The following PTPRM variants were observed in gnomAD, a reference collection of about 807,000 sequenced individuals.
The protein encoded by PTPRM is protein tyrosine phosphatase receptor type M, also known as receptor-type tyrosine-protein phosphatase mu.
A neutral mutation model predicts 186.7 loss-of-function variants in PTPRM; 47 were observed. The ratio of observed to expected loss-of-function variants is 0.25; its 90% CI spans 0.20 to 0.32. The LOEUF (loss-of-function observed/expected upper bound fraction) is 0.32. Among genes scored for constraint, PTPRM ranks in the 10% least tolerant of loss-of-function variants. The pLI, the probability that PTPRM is intolerant of heterozygous loss-of-function variation, is 1.00. For synonymous variants in PTPRM, 668 were observed against 674.9 expected (o/e 0.99, Z 0.16); for missense variants, 1,494 against 1,865.0 (o/e 0.80, Z 3.66).
At chr18:8,363,979 G>A (rs540625072) in intron 23 of PTPRM, among the ~76,000 whole-genome samples, 20 of 152,272 alleles carry the variant, frequency 1.3e-4, no homozygotes, top group Admixed American at 2.0e-4. Flanking sequence ...GAAAACAGAC[G>A]CTTTGTGAGG....
chr18:7,709,271 T>G (rs1280323721), intron 1 of PTPRM, among the ~76,000 whole-genome samples: 1 of 152,090 alleles, frequency 6.6e-6, no homozygotes, highest in Non-Finnish European at 1.5e-5. Context: ...CTCAAAACTA[T>G]ACAAATAAAT....
intron 1 of PTPRM, among the ~76,000 whole-genome samples, chr18:7,607,652 A>G (rs1432986959): frequency 6.6e-6 from 1 of 152,248 alleles, no homozygotes; most frequent in African/African-American, 2.4e-5. Context: ...TTTCTCCTGC[A>G]TGTGCCAGCT....
intron 1 of PTPRM, among the ~76,000 whole-genome samples, chr18:7,743,209 T>C (rs1373926420): frequency 1.3e-5 from 2 of 152,212 alleles, no homozygotes; most frequent in Admixed American, 6.5e-5. Flanking sequence ...TAGCTTTTCT[T>C]TGCCTAATTT....
chr18:8,169,316 A>G (rs1227832727), intron 14 of PTPRM, among the ~76,000 whole-genome samples: 2 of 151,546 alleles, frequency 1.3e-5, no homozygotes, highest in African/African-American at 2.4e-5. Flanking sequence ...AAAAAGTTAC[A>G]TCTTCAAAAA....
chr18:8,275,565 C>A (rs1169200055), intron 19 of PTPRM, among the ~76,000 whole-genome samples: 8 of 152,148 alleles, frequency 5.3e-5, no homozygotes, highest in Non-Finnish European at 1.0e-4. Flanking sequence ...CTTAAAATCT[C>A]AAGCCTTTTC....
intron 23 of PTPRM, among the ~76,000 whole-genome samples, chr18:8,347,199 C>T (rs1255841925): frequency 6.6e-6 from 1 of 152,132 alleles, no homozygotes; most frequent in East Asian, 1.9e-4. Context: ...CACTGGAGCT[C>T]GCTTACAGGA....
intron 4 of PTPRM, among the ~76,000 whole-genome samples, chr18:7,924,999 A>C (rs535151487): frequency 2.2e-4 from 34 of 152,310 alleles, no homozygotes; most frequent in Middle Eastern, 6.8e-3. Context: ...CCATCTTGGA[A>C]ATGGAGAAAA....
At chr18:8,299,586 C>A (rs1271614666) in intron 20 of PTPRM, among the ~76,000 whole-genome samples, 1 of 135,896 alleles carries the variant, frequency 7.4e-6, no homozygotes, top group Non-Finnish European at 1.6e-5. Context: ...CTCCAGAGGT[C>A]TCAAAAAAAC....
At chr18:7,630,857 CT>C (rs1370482378) in intron 1 of PTPRM, among the ~76,000 whole-genome samples, 1 of 152,036 alleles carries the variant, frequency 6.6e-6, no homozygotes, top group Non-Finnish European at 1.5e-5. Context: ...CACATTTTGC[CT>C]TGTTATCTAT....
chr18:8,038,194 CAGATTTA>C (rs2086458612), intron 7 of PTPRM, among the ~76,000 whole-genome samples: 1 of 152,020 alleles, frequency 6.6e-6, no homozygotes, highest in African/African-American at 2.4e-5. Context: ...CTGGTATCTT[CAGATTTA>C]CCCCTGAAAT....
At chr18:8,064,592 A>G (rs527665644) in intron 7 of PTPRM, among the ~76,000 whole-genome samples, 8 of 152,360 alleles carry the variant, frequency 5.3e-5, no homozygotes, top group Middle Eastern at 3.4e-3. Context: ...ATTCAAATTT[A>G]TATAATTTTT....
intron 5 of PTPRM, among the ~76,000 whole-genome samples, chr18:7,939,296 G>C (rs527953272): frequency 6.6e-6 from 1 of 152,238 alleles, no homozygotes; most frequent in African/African-American, 2.4e-5. Context: ...TGATGCCTGC[G>C]TACTCAGAGC....
intron 9 of PTPRM, among the ~76,000 whole-genome samples, chr18:8,079,981 CA>C (rs1370533761): frequency 6.6e-6 from 1 of 151,046 alleles, no homozygotes; most frequent in African/African-American, 2.4e-5. Context: ...AAAGACACTT[CA>C]AAAAAAAATT....
chr18:8,141,303 T>C (rs1338002552), intron 13 of PTPRM, among the ~76,000 whole-genome samples: 1 of 152,212 alleles, frequency 6.6e-6, no homozygotes, highest in Non-Finnish European at 1.5e-5. Flanking sequence ...TCCCACCTTT[T>C]CTGAGTCACT....
chr18:8,247,996 C>T, intron 16 of PTPRM, 77 bp downstream of exon 16: 1 of 1,409,416 alleles, frequency 7.1e-7, no homozygotes, highest in Admixed American at 1.7e-5. Context: ...TCTGCTATCC[C>T]TGGTGCTTGA....
At chr18:8,321,042 C>T (rs1388391574) in intron 22 of PTPRM, among the ~76,000 whole-genome samples, 2 of 152,178 alleles carry the variant, frequency 1.3e-5, no homozygotes, top group African/African-American at 2.4e-5. Context: ...AAACGGAATT[C>T]ATCAATGCCG....
chr18:8,032,716 G>A (rs1023976076), intron 7 of PTPRM, among the ~76,000 whole-genome samples: 1 of 152,090 alleles, frequency 6.6e-6, no homozygotes, highest in African/African-American at 2.4e-5. Flanking sequence ...ATTTAAATAT[G>A]TTATAGCTCA....
intron 3 of PTPRM, among the ~76,000 whole-genome samples, chr18:7,892,861 T>TC (rs2049151310): frequency 1.3e-5 from 2 of 152,192 alleles, no homozygotes; most frequent in African/African-American, 4.8e-5. Context: ...GCAAGAGCTC[T>TC]CACGCCTCTC....
At chr18:7,874,175 C>A (rs1385650679) in intron 2 of PTPRM, among the ~76,000 whole-genome samples, 2 of 151,882 alleles carry the variant, frequency 1.3e-5, no homozygotes, top group Non-Finnish European at 2.9e-5. Flanking sequence ...AAAGAAGTAT[C>A]CTGAGGGAAA....
Sources: allele counts gnomAD v4.1 joint callset (sites outside exome capture counted in the v4.1 genomes callset), GRCh38; gene constraint gnomAD v4.1.1; transcripts MANE v1.5; gene names NCBI Gene and HGNC (gene_info 2026-07-23, HGNC 2026-07-21).